MCRS1: variants seen among roughly 807,000 people sequenced by gnomAD.
MCRS1 encodes microspherule protein 1.
Under a neutral mutation model 62.9 loss-of-function variants are expected in MCRS1, and 22 were observed. That is an observed-to-expected ratio of 0.35 (90% CI 0.25 to 0.50). MCRS1 has a LOEUF of 0.50. MCRS1 is among the 20% of genes least tolerant of loss of function. The pLI is 0.98. For synonymous variants in MCRS1, 244 were observed against 233.5 expected (o/e 1.04, Z -0.41); for missense variants, 456 against 601.1 (o/e 0.76, Z 2.52).
At chr12:49,564,681 G>C in intron 5 of MCRS1, 56 bp downstream of exon 5, 1 of 1,602,802 alleles carries the variant, frequency 6.2e-7, no homozygotes. Context: ...TAATTTTGGG[G>C]TGCGAACTGG....
intron 9 of MCRS1, 116 bp downstream of exon 9, chr12:49,560,179 A>T: frequency 1.6e-6 from 2 of 1,260,454 alleles, no homozygotes; most frequent in Non-Finnish European, 1.2e-6. Context: ...GGGCTCAGCC[A>T]GGGGGGGCCA....
rs1180028767 is a variant in MCRS1, at chr12:49,566,152, T to A, written c.74A>T (p.Glu25Val). Residue 25 changes from glutamate to valine, a missense_variant, in exon 3 of 15, where the codon GAG becomes GTG. By Grantham distance (121) the Glu-to-Val change is moderately radical. Coordinates refer to ENST00000343810, the MANE Select transcript of MCRS1 (RefSeq NM_006337.5). Reference protein sequence around the residue: ...ASGTASRSEDEESLAGQKRAS... With the variant: ...ASGTASRSEDVESLAGQKRAS... ...TCGCTTCTGCCCTGCCAGTGACTCC[T>A]CATCCTCTGAGCGGCTGGCAGTGCC... 2 of 1,614,200 alleles carry A rather than the reference T, an allele frequency of 1.2e-6. No individual in the cohort carries two copies. Among genetic ancestry groups the A allele is most frequent in the Non-Finnish European group, 1.7e-6 (2 of 1,180,014 alleles).
Position 49,560,491 on chromosome 12 carries a change from A to G in MCRS1, c.806-121T>C, listed in dbSNP as rs940915705. 3 of 851,916 alleles carry G rather than the reference A, an allele frequency of 3.5e-6. No homozygotes were observed. In the African/African-American group the frequency reaches 5.0e-5, roughly 14 times the overall value. The allele number at this position is 851,916 out of a possible 1,614,324, so 52.8% of individuals were successfully genotyped here. A position where few individuals can be genotyped will look rare whatever the true frequency, so the allele number is the denominator to read the frequency against. On this transcript the variant is annotated intron_variant, in intron 8 of 14. Transcript: ENST00000343810. ...CTGGGTGGAGAGCCCAGCACCAGCA[A>G]GGGTGCCCATACCAGATTAGGCTGG... is the stretch of plus-strand genomic sequence containing the variant.
Position 49,566,071 on chromosome 12 carries a change from T to A in MCRS1, c.149+6A>T. 1 of 1,612,944 alleles carries A rather than the reference T, an allele frequency of 6.2e-7. No individual in the cohort carries two copies. The highest frequency in any genetic ancestry group is 8.5e-7 in the Non-Finnish European group (1 of 1,179,420). ...CCCAGTTCCTGGCCCTCCGAACCCTTACTACCTGGAGGAGCTTCTCCGTTT... is the reference window on the plus strand; with the variant it reads ...CCCAGTTCCTGGCCCTCCGAACCCTAACTACCTGGAGGAGCTTCTCCGTTT... On this transcript the variant is annotated splice_donor_region_variant and intron_variant, in intron 3 of 14. Transcript: ENST00000343810.
In MCRS1 at chr12:49,566,227, G is replaced by A. The variant is rs911930645; in HGVS notation, c.11-12C>T. ...CAGCCCCTGAGAATCTAGCAAGAGA[G>A]AAATGGTGGATTCGGGCCTCCTAAG... On this transcript the variant is annotated splice_polypyrimidine_tract_variant and intron_variant, in intron 2 of 14. Coordinates refer to ENST00000343810, the MANE Select transcript of MCRS1 (RefSeq NM_006337.5). 2 of 1,609,506 alleles carry A rather than the reference G, an allele frequency of 1.2e-6. No individual in the cohort carries two copies. Among genetic ancestry groups the A allele is most frequent in the African/African-American group, 2.7e-5 (2 of 74,768 alleles).
At chr12:49,563,582 G>A (rs1011053056) in intron 6 of MCRS1, 36 bp from the exon 7 acceptor site, 2 of 1,528,708 alleles carry the variant, frequency 1.3e-6, no homozygotes, top group Non-Finnish European at 1.8e-6. Context: ...AGGGGTGAAG[G>A]AAAGGTGTCA....
chr12:49,566,219 G>T lies in MCRS1; in HGVS notation c.11-4C>A, dbSNP rs766278578. On this transcript the variant is annotated splice_region_variant and splice_polypyrimidine_tract_variant and intron_variant, in intron 2 of 14. Coordinates refer to ENST00000343810, the MANE Select transcript of MCRS1 (RefSeq NM_006337.5). ...GAATCTAGCAGCCCCTGAGAATCTA[G>T]CAAGAGAGAAATGGTGGATTCGGGC... is the stretch of plus-strand genomic sequence containing the variant. 2 of 1,611,226 alleles carry T rather than the reference G, an allele frequency of 1.2e-6. No homozygotes were observed. The highest frequency in any genetic ancestry group is 1.7e-5 in the Admixed American group (1 of 59,774).
In MCRS1 at chr12:49,559,301, T is replaced by C; in HGVS notation, c.1087A>G (p.Ile363Val). ...MVRYLMRSRE[I>V]TLGRATKDNQ... The stretch of plus-strand genomic sequence containing the variant: ...TCCTTGGTTGCTCTGCCCAGGGTGA[T>C]CTGGGGAAATGGGGCAGGTGAGGGC... Residue 363 changes from isoleucine (I) to valine (V), a missense_variant and splice_region_variant, in exon 13 of 15, where the codon ATC becomes GTC. Physicochemically the swap from Ile to Val is conservative, Grantham distance 29. Transcript: ENST00000343810. This position sits in a 1 kb window ranked among gnomAD's most constrained non-coding sequence, Gnocchi z 5.2. 6.2e-7 allele frequency: 1 copy of C among 1,613,878 alleles called. No individual in the cohort carries two copies. Among genetic ancestry groups the C allele is most frequent in the Non-Finnish European group, 8.5e-7 (1 of 1,179,882 alleles).
At chr12:49,566,474 G>T (rs781049922) in intron 2 of MCRS1, 1 of 1,559,008 alleles carries the variant, frequency 6.4e-7, no homozygotes, top group South Asian at 1.2e-5. Flanking sequence ...TCAGACTGGT[G>T]ATGCCGACAC....
Position 49,560,324 on chromosome 12 carries a change from T to G in MCRS1, c.852A>C (p.Ala284=). 3.1e-6 allele frequency: 5 copies of G among 1,614,258 alleles called. No individual in the cohort carries two copies. Among genetic ancestry groups the G allele is most frequent in the Non-Finnish European group, 4.2e-6 (5 of 1,180,032 alleles). ...GCTTACTGTCATCAATCAGGTCCTC[T>G]GCATCAGAGAAGTTCAGCACTTGGT... ...KGDQVLNFSD[A]EDLIDDSKLK... is the part of the protein sequence containing the mutation. The change falls in exon 9 of 15, where the codon GCA becomes GCC. Residue 284 remains alanine (A), a synonymous_variant. Coordinates refer to ENST00000343810, the MANE Select transcript of MCRS1 (RefSeq NM_006337.5).
At chr12:49,564,311 G>A (rs1938932003) in intron 6 of MCRS1, among the ~76,000 whole-genome samples, 170 bp downstream of exon 6, 1 of 152,180 alleles carries the variant, frequency 6.6e-6, no homozygotes, top group South Asian at 2.1e-4. Flanking sequence ...CCTGGAGGCA[G>A]GAAGAAACTT....
At position 49,564,814 on chromosome 12, in the gene MCRS1, G is replaced by A; in HGVS notation, c.370C>T (p.Gln124Ter). The change falls in exon 5 of 15, where the codon CAG becomes TAG. Residue 124 changes from glutamine to a stop codon, truncating the protein, a stop_gained. Transcript: ENST00000343810. LOFTEE classifies it high-confidence loss of function. Reference protein sequence around the residue: ...GLTKRVKKSKQPLQVTKDLGR... With the variant: ...GLTKRVKKSK Reference sequence around the variant, plus strand: ...AGATCCTTGGTCACCTGAAGTGGCTGTTTACTCTTCTTCACACGCTTGGTG... The same window carrying A: ...AGATCCTTGGTCACCTGAAGTGGCTATTTACTCTTCTTCACACGCTTGGTG... 1 of 1,614,146 alleles carries A rather than the reference G, an allele frequency of 6.2e-7. No homozygotes were observed. The highest frequency in any genetic ancestry group is 8.5e-7 in the Non-Finnish European group (1 of 1,180,006).
rs778950555 is a variant in MCRS1, at chr12:49,563,080, G to A, written c.726C>T (p.Phe242=). 9 of 1,571,720 alleles carry A rather than the reference G, an allele frequency of 5.7e-6. 1 individual carries two copies. In the East Asian group the frequency reaches 2.1e-4, roughly 37 times the overall value. The change falls in exon 8 of 15, where the codon TTC becomes TTT. Residue 242 remains phenylalanine, a synonymous_variant. Coordinates refer to ENST00000343810, the MANE Select transcript of MCRS1 (RefSeq NM_006337.5). ...QDLLHRHPDA[F]YLARTAKALQ... ...GGGCCTTCGCGGTACGGGCCAGGTAGAAGGCATCAGGGTGTCTGTGCAGCA... is the reference window on the plus strand; with the variant it reads ...GGGCCTTCGCGGTACGGGCCAGGTAAAAGGCATCAGGGTGTCTGTGCAGCA...
At chr12:49,565,175 G>C in intron 4 of MCRS1, 10 of 985,416 alleles carry the variant, frequency 1.0e-5, no homozygotes, top group Non-Finnish European at 1.2e-5. Flanking sequence ...AGGATACCGG[G>C]AAATCACTCT....
chr12:49,560,884 T>C (rs1938731130), intron 8 of MCRS1, among the ~76,000 whole-genome samples: 1 of 152,138 alleles, frequency 6.6e-6, no homozygotes, highest in African/African-American at 2.4e-5. Context: ...AAGTACGTGC[T>C]GGTGGGCGCC....
chr12:49,565,188 C>G, intron 4 of MCRS1: 2 of 985,432 alleles, frequency 2.0e-6, no homozygotes, highest in Non-Finnish European at 1.2e-6. Context: ...ATCACTCTTG[C>G]TGGTGCAGTG....
chr12:49,566,406 C>T lies in MCRS1; in HGVS notation c.11-191G>A, dbSNP rs182139509. The T allele has an allele frequency of 2.5e-6, 4 of 1,576,646 alleles. No homozygotes were observed. The Admixed American group carries it at 7.4e-5, about 29-fold the overall frequency. ...GGGCTCAGACCTGGCCCAGACCTTCCACGCTGGGCAGTTCCCCCGGTGCCA... is the reference window on the plus strand; with the variant it reads ...GGGCTCAGACCTGGCCCAGACCTTCTACGCTGGGCAGTTCCCCCGGTGCCA... On this transcript the variant is annotated intron_variant, in intron 2 of 14. Coordinates refer to ENST00000343810, the MANE Select transcript of MCRS1 (RefSeq NM_006337.5).
chr12:49,562,395 G>A (rs1404768709), intron 8 of MCRS1, among the ~76,000 whole-genome samples: 1 of 152,228 alleles, frequency 6.6e-6, no homozygotes, highest in Non-Finnish European at 1.5e-5. Context: ...TGCTGTTGAG[G>A]CAAGAGGAAG....
chr12:49,563,190 T>C (rs777397929), intron 7 of MCRS1, 51 bp from the exon 8 acceptor site: 4 of 1,194,532 alleles, frequency 3.3e-6, no homozygotes, highest in Non-Finnish European at 4.4e-6. Flanking sequence ...CACACATGCC[T>C]CTCTGCCTTA....
Sources: gnomAD v4.1 joint callset for allele counts (sites outside exome capture counted in the v4.1 genomes callset) on GRCh38, gnomAD v4.1.1 for gene constraint, Gnocchi (gnomAD v3.1) non-coding constraint, MANE v1.5 for transcripts, NCBI Gene and HGNC (gene_info 2026-07-23, HGNC 2026-07-21) for gene names.